ABL1: variants seen among roughly 807,000 people sequenced by gnomAD.
ABL1 encodes the protein ABL proto-oncogene 1, non-receptor tyrosine kinase.
In ABL1, 11 loss-of-function variants were observed where a neutral mutation model predicts 94.7. The ratio of observed to expected loss-of-function variants is 0.12; its 90% CI spans 0.07 to 0.19. The LOEUF (loss-of-function observed/expected upper bound fraction) is 0.19. Ranked by LOEUF, ABL1 falls within the 10% of genes least tolerant of loss-of-function variation. ABL1 has a pLI of 1.00. For missense variants in ABL1, 1,082 were observed against 1,489.4 expected (o/e 0.73, Z 4.50); for synonymous variants, 656 against 622.4 (o/e 1.05, Z -0.80).
At chr9:130,776,959 T>C (rs1020747853) in intron 1 of ABL1, among the ~76,000 whole-genome samples, 1 of 152,074 alleles carries the variant, frequency 6.6e-6, no homozygotes, top group African/African-American at 2.4e-5. Context: ...TTTTGGGAGA[T>C]TTCTTTCCTT....
chr9:130,759,747 G>A (rs772794528), intron 1 of ABL1, among the ~76,000 whole-genome samples: 3 of 152,104 alleles, frequency 2.0e-5, no homozygotes, highest in African/African-American at 4.8e-5. Flanking sequence ...CGGTATAGGA[G>A]GCTTCACATT....
intron 1 of ABL1, among the ~76,000 whole-genome samples, chr9:130,850,871 A>G (rs1830846168): frequency 6.6e-6 from 1 of 152,072 alleles, no homozygotes; most frequent in Non-Finnish European, 1.5e-5. Context: ...ACCAATGTAC[A>G]CTAAATGGGG....
At chr9:130,795,024 C>T (rs1207771544) in intron 1 of ABL1, among the ~76,000 whole-genome samples, 13 of 152,112 alleles carry the variant, frequency 8.5e-5, no homozygotes, top group Admixed American at 7.2e-4. Context: ...TTTTGCTGTC[C>T]GTGAGTCCCT....
At chr9:130,879,614 C>G (rs1291403790) in intron 8 of ABL1, among the ~76,000 whole-genome samples, 1 of 152,232 alleles carries the variant, frequency 6.6e-6, no homozygotes, top group Non-Finnish European at 1.5e-5. Flanking sequence ...ATGCTCCAGT[C>G]AGACGCATAT....
chr9:130,830,553 G>A (rs940104205), upstream of ABL1, among the ~76,000 whole-genome samples: 2 of 152,062 alleles, frequency 1.3e-5, no homozygotes, highest in Non-Finnish European at 2.9e-5. Flanking sequence ...TGATTTCCTG[G>A]TCCCTTGGAA....
chr9:130,829,099 T>A (rs1246741012), intron 1 of ABL1, among the ~76,000 whole-genome samples: 1 of 152,202 alleles, frequency 6.6e-6, no homozygotes, highest in Non-Finnish European at 1.5e-5. Flanking sequence ...AGCAGATAAA[T>A]AAATGCCTTC....
Position 130,884,804 on chromosome 9 carries a change from G to A in ABL1, c.2514G>A (p.Lys838=), listed in dbSNP as rs960774510. 4.4e-6 allele frequency: 7 copies of A among 1,608,804 alleles called. No homozygotes were observed. In the African/African-American group the frequency reaches 9.4e-5, roughly 22 times the overall value. ...TCCCCCACAAGGAAGAAGCTGGAAAGGGCAGTGCCTTAGGGACCCCTGCTG... is the reference window on the plus strand; with the variant it reads ...TCCCCCACAAGGAAGAAGCTGGAAAAGGCAGTGCCTTAGGGACCCCTGCTG... ...SGLPHKEEAG[K]GSALGTPAAA... The change falls in exon 11 of 11, where the codon AAG becomes AAA. Residue 838 remains lysine, a synonymous_variant. Coordinates refer to ENST00000318560, the MANE Select transcript of ABL1 (RefSeq NM_005157.6). This position sits in a 1 kb window ranked among gnomAD's most constrained non-coding sequence, Gnocchi z 5.6.
intron 1 of ABL1, among the ~76,000 whole-genome samples, chr9:130,809,520 G>T (rs889990151): frequency 4.6e-5 from 7 of 152,002 alleles, no homozygotes; most frequent in Admixed American, 4.6e-4. Flanking sequence ...TCTGCAGGGC[G>T]AGTCAGCAAG....
intron 1 of ABL1, among the ~76,000 whole-genome samples, chr9:130,851,076 AC>A (rs1317606397): frequency 6.6e-6 from 1 of 151,964 alleles, no homozygotes; most frequent in East Asian, 1.9e-4. Context: ...GGTGCCCGCC[AC>A]CACGCCCAGC....
At position 130,863,422 on chromosome 9, in the gene ABL1, A is replaced by T. The variant is rs2132975008; in HGVS notation, c.822+387A>T. On this transcript the variant is annotated intron_variant, in intron 4 of 10. Coordinates refer to ENST00000318560, the MANE Select transcript of ABL1 (RefSeq NM_005157.6). This position sits in a 1 kb window ranked among gnomAD's most constrained non-coding sequence, Gnocchi z 4.3. The stretch of plus-strand genomic sequence containing the variant: ...AAAGATCTCTGAGTTTTGAAAGAAG[A>T]TTTAACCAAAATGCATTTGACTCTT... Among the ~76,000 whole-genome samples the T allele has an allele frequency of 6.6e-6, 1 of 152,244 alleles. No individual in the cohort carries two copies. The highest frequency in any genetic ancestry group is 2.4e-5 in the African/African-American group (1 of 41,546).
At chr9:130,831,577 ACTCTTCC>A (rs1433578838), upstream of ABL1, among the ~76,000 whole-genome samples, 1 of 151,766 alleles carries the variant, frequency 6.6e-6, no homozygotes, top group East Asian at 1.9e-4. Flanking sequence ...AAAATAAGCA[ACTCTTCC>A]CTCTTCCAAA....
chr9:130,874,806 G>A (rs759332170), intron 6 of ABL1, 62 bp from the exon 7 acceptor site: 18 of 1,550,822 alleles, frequency 1.2e-5, no homozygotes, highest in Non-Finnish European at 1.4e-5. Flanking sequence ...CTCAGCAGTG[G>A]TGGATTTGTG....
At chr9:130,733,542 C>T (rs542019873) in intron 1 of ABL1, among the ~76,000 whole-genome samples, 1 of 150,264 alleles carries the variant, frequency 6.7e-6, no homozygotes, top group Non-Finnish European at 1.5e-5. Flanking sequence ...GCTGTGAGTA[C>T]AGGCGTGCAC....
intron 1 of ABL1, among the ~76,000 whole-genome samples, chr9:130,809,424 G>A (rs1471568850): frequency 1.3e-5 from 2 of 150,148 alleles, no homozygotes; most frequent in Non-Finnish European, 3.0e-5. Context: ...GAGAGTGTGT[G>A]TGTGTGTGTG....
intron 3 of ABL1, among the ~76,000 whole-genome samples, chr9:130,855,914 T>A (rs1461175045): frequency 7.1e-6 from 1 of 141,396 alleles, no homozygotes; most frequent in East Asian, 1.9e-4. Flanking sequence ...TGGTGTATGT[T>A]TGTTTGTTTG....
intron 1 of ABL1, among the ~76,000 whole-genome samples, chr9:130,794,333 T>C (rs551696067): frequency 6.6e-6 from 1 of 152,352 alleles, no homozygotes; most frequent in African/African-American, 2.4e-5. Context: ...TTTTTACCTG[T>C]GAGCCCACAT....
chr9:130,805,135 G>A (rs1361130299), intron 1 of ABL1, among the ~76,000 whole-genome samples: 1 of 152,222 alleles, frequency 6.6e-6, no homozygotes, highest in Non-Finnish European at 1.5e-5. Context: ...GGAGTGCAGT[G>A]GCACAGTCTT....
At chr9:130,864,218 A>AG (rs1313162552) in intron 4 of ABL1, among the ~76,000 whole-genome samples, 5 of 152,144 alleles carry the variant, frequency 3.3e-5, no homozygotes, top group Admixed American at 3.3e-4. Flanking sequence ...GGTTACCTTA[A>AG]GGACCCTGGA....
At chr9:130,729,321 A>G (rs1291992183) in intron 1 of ABL1, among the ~76,000 whole-genome samples, 2 of 152,200 alleles carry the variant, frequency 1.3e-5, no homozygotes, top group Non-Finnish European at 1.5e-5. Context: ...TCTGGAAGCC[A>G]TGGACCCACA....
Sources: gnomAD v4.1 joint callset for allele counts (sites outside exome capture counted in the v4.1 genomes callset) on GRCh38, gnomAD v4.1.1 for gene constraint, Gnocchi (gnomAD v3.1) non-coding constraint, MANE v1.5 for transcripts, NCBI Gene and HGNC (gene_info 2026-07-23, HGNC 2026-07-21) for gene names.